Variants in MKI67 observed in about 807,000 individuals in gnomAD.
MKI67 encodes the protein proliferation marker protein Ki-67.
Under a neutral mutation model 233.5 loss-of-function variants are expected in MKI67, and 152 were observed. The observed-to-expected ratio is 0.65, with a 90% confidence interval of 0.57 to 0.74. MKI67 has a LOEUF of 0.74. Among genes scored for constraint, MKI67 ranks in the 30% least tolerant of loss-of-function variants. The pLI is 0.00. For synonymous variants in MKI67, 1,465 were observed against 1,418.5 expected, an observed-to-expected ratio of 1.03 and a Z score of -0.74; for missense variants, 3,940 against 3,885.2, an observed-to-expected ratio of 1.01 and a Z score of -0.37.
chr10:128,124,081 A>G (rs1853007739), intron 2 of MKI67, among the ~76,000 whole-genome samples: 1 of 152,250 alleles, frequency 6.6e-6, no homozygotes, highest in African/African-American at 2.4e-5. Flanking sequence ...ATTATTTCTA[A>G]ATTATAAAAT....
At position 128,115,704 on chromosome 10, in the gene MKI67, G is replaced by A; in HGVS notation, c.704C>T (p.Ser235Phe). The change falls in exon 7 of 15, where the codon TCT becomes TTT. Residue 235 changes from serine to phenylalanine, a missense_variant. Coordinates refer to ENST00000368654, the MANE Select transcript of MKI67 (RefSeq NM_002417.5). ...TGACTCATAAAGCTTCCAAAAGGGA[G>A]ATTCATTTTTTTTGCTATTGTCAAG... ...QCLDNSKKNE[S>F]PFWKLYESVK... The A allele has an allele frequency of 1.2e-6, 2 of 1,613,772 alleles. No homozygotes were observed. Among genetic ancestry groups the A allele is most frequent in the Non-Finnish European group, 1.7e-6 (2 of 1,179,984 alleles).
intron 12 of MKI67, among the ~76,000 whole-genome samples, 176 bp downstream of exon 12, chr10:128,110,202 A>G (rs1288398822): frequency 1.3e-5 from 2 of 152,228 alleles, no homozygotes; most frequent in Non-Finnish European, 1.5e-5. Flanking sequence ...ATGAATGCCA[A>G]TGTTAGTTCA....
chr10:128,111,083 G>A (rs1852664747), intron 11 of MKI67, among the ~76,000 whole-genome samples: 1 of 152,224 alleles, frequency 6.6e-6, no homozygotes, highest in Admixed American at 6.5e-5. Flanking sequence ...CTCCCAAAGT[G>A]TTGGGATTAC....
At chr10:128,114,830 T>G (rs2136144787) in intron 7 of MKI67, 98 bp downstream of exon 7, 2 of 1,236,414 alleles carry the variant, frequency 1.6e-6, no homozygotes, top group East Asian at 4.7e-5. Context: ...TACATTCTCT[T>G]CCACAAAGCT....
rs138126066 is a variant in MKI67, at chr10:128,108,738, C to T, written c.3102G>A (p.Val1034=). ...TGCCGACTGCTAGGAGCTCTTCTTTCACACCTACTTTCCCCAGGGATGCCT... is the reference window on the plus strand; with the variant it reads ...TGCCGACTGCTAGGAGCTCTTCTTTTACACCTACTTTCCCCAGGGATGCCT... ...QLKASLGKVG[V]KEELLAVGKF... The change falls in exon 13 of 15, where the codon GTG becomes GTA. Residue 1034 remains valine (V), a synonymous_variant. Transcript: ENST00000368654. The T allele has an allele frequency of 1.6e-4, 253 of 1,614,088 alleles. No individual in the cohort carries two copies. The highest frequency in any genetic ancestry group is 3.8e-5 in the Non-Finnish European group (45 of 1,180,028).
rs372010354 is a variant in MKI67 at position 128,109,163 on chromosome 10, T to C, written c.2677A>G (p.Ser893Gly). The C allele has an allele frequency of 1.1e-5, 18 of 1,614,118 alleles. No homozygotes were observed. In the African/African-American group the frequency reaches 1.9e-4, roughly 17 times the overall value. ...NIQKLPVESK[S>G]EETNTEIVEC... ...ACAATTTCTGTATTTGTTTCTTCAC[T>C]CTTACTTTCCACAGGTAGCTTCTGT... The change falls in exon 13 of 15, where the codon AGT becomes GGT. Residue 893 changes from serine to glycine, a missense_variant. Coordinates refer to ENST00000368654, the MANE Select transcript of MKI67 (RefSeq NM_002417.5).
Position 128,111,404 on chromosome 10 carries a change from G to A in MKI67, c.2260+241C>T, listed in dbSNP as rs968940592. On this transcript the variant is annotated intron_variant, in intron 11 of 14. Coordinates refer to ENST00000368654, the MANE Select transcript of MKI67 (RefSeq NM_002417.5). ...ACGCTGCTCTCCAGGGTAAAGACAT[G>A]CATTTGACATTTCCACACCTATTTC... The A allele has an allele frequency of 1.8e-5, 8 of 440,144 alleles. No homozygotes were observed. The South Asian group carries it at 3.0e-4, about 17-fold the overall frequency. 27.3% of individuals were successfully genotyped at this position (440,144 alleles called of 1,614,324 possible). A position where few individuals can be genotyped will look rare whatever the true frequency, so the allele number is the denominator to read the frequency against.
In MKI67 at chr10:128,102,586, T is replaced by G. The variant is rs745377602; in HGVS notation, c.9254A>C (p.Glu3085Ala). 2.0e-5 allele frequency: 32 copies of G among 1,612,912 alleles called. No homozygotes were observed. Among genetic ancestry groups the G allele is most frequent in the Non-Finnish European group, 2.7e-5 (32 of 1,179,152 alleles). ...TGTAATACTTCCTCTCACCTTATTT[T>G]CAGGGACCGAGTCTTGTAATTTGTG... Reference protein sequence around the residue: ...EEHKLQDSVPENKGISLRSRR... With the variant: ...EEHKLQDSVPANKGISLRSRR... Residue 3085 changes from glutamate to alanine, a missense_variant, in exon 13 of 15, where the codon GAA becomes GCA. Physicochemically the swap from Glu to Ala is moderately radical, Grantham distance 107. Transcript: ENST00000368654.
In MKI67 at chr10:128,106,209, G is replaced by A; in HGVS notation, c.5631C>T (p.Pro1877=). The change falls in exon 13 of 15, where the codon CCC becomes CCT. Residue 1877 remains proline, a synonymous_variant. Transcript: ENST00000368654. ...ADTPTNTKQR[P]KRSLKKADVE... ...CGTCTGCTTTCTTGAGGCTTCTCTTGGGCCGTTGCTTTGTGTTTGTTGGGG... is the reference window on the plus strand; with the variant it reads ...CGTCTGCTTTCTTGAGGCTTCTCTTAGGCCGTTGCTTTGTGTTTGTTGGGG... 6.2e-7 allele frequency: 1 copy of A among 1,613,604 alleles called. No homozygotes were observed. The highest frequency in any genetic ancestry group is 1.3e-5 in the African/African-American group (1 of 74,830).
rs1220298940 is a variant in MKI67, at chr10:128,115,565, C to G, written c.843G>C (p.Gln281His). Residue 281 changes from glutamine (Q) to histidine (H), a missense_variant, in exon 7 of 15, where the codon CAG becomes CAC. Gln to His is a conservative substitution (Grantham distance 24, BLOSUM62 0). Coordinates refer to ENST00000368654, the MANE Select transcript of MKI67 (RefSeq NM_002417.5). ...ATEKESADGL[Q>H]GETQLLVSRK... ...GCGAGACCAACAGTTGGGTCTCCCC[C>G]TGTAAACCATCAGCACTTTCTTTCT... 1.9e-6 allele frequency: 3 copies of G among 1,614,220 alleles called. No individual in the cohort carries two copies. Among genetic ancestry groups the G allele is most frequent in the Admixed American group, 3.3e-5 (2 of 60,030 alleles).
rs542350245 is a variant in MKI67, at chr10:128,108,640, G to A, written c.3200C>T (p.Thr1067Met). Residue 1067 changes from threonine (T) to methionine (M), a missense_variant, in exon 13 of 15, where the codon ACG (threonine) becomes ATG (methionine). Coordinates refer to ENST00000368654, the MANE Select transcript of MKI67 (RefSeq NM_002417.5). ...GATCTGCTTTGGAGACTCCTTAAAC[G>A]TTCTGATGCTCTTGCCATCTCCTGC... ...EPAGDGKSIRTFKESPKQILD... is the reference protein window; with the variant it reads ...EPAGDGKSIRMFKESPKQILD... 3.5e-5 allele frequency: 57 copies of A among 1,614,122 alleles called. 1 individual carries two copies. Among genetic ancestry groups the A allele is most frequent in the South Asian group, 2.5e-4 (23 of 91,074 alleles).
Position 128,114,951 on chromosome 10 carries a change from A to G in MKI67, c.1457T>C (p.Ile486Thr), listed in dbSNP as rs772771067. 1.9e-5 allele frequency: 29 copies of G among 1,558,342 alleles called. No homozygotes were observed. Among genetic ancestry groups the G allele is most frequent in the Non-Finnish European group, 2.4e-5 (28 of 1,152,054 alleles). Residue 486 changes from isoleucine (I) to threonine (T), a missense_variant, in exon 7 of 15, where the codon ATC becomes ACC. By Grantham distance (89) the Ile-to-Thr change is moderately conservative. Transcript: ENST00000368654. Reference protein sequence around the residue: ...SGLPGLSSVDINNFGDSINES... With the variant: ...SGLPGLSSVDTNNFGDSINES... ...ACTAATGGAATCACCAAAGTTGTTG[A>G]TATCAACTGAACTAAGACCAGGTAA...
Position 128,115,304 on chromosome 10 carries a change from A to G in MKI67, c.1104T>C (p.Thr368=). The G allele has an allele frequency of 6.2e-7, 1 of 1,614,024 alleles. No homozygotes were observed. The highest frequency in any genetic ancestry group is 1.7e-4 in the Middle Eastern group (1 of 6,060). ...GATTCACAGATTCTCTTCTACCAGT[A>G]GTATACAGGTCTTTGTTCTTATGTT... is the stretch of plus-strand genomic sequence containing the variant. ...PQKHKNKDLY[T]TGRRESVNLG... The change falls in exon 7 of 15, where the codon ACT becomes ACC. Residue 368 remains threonine (T), a synonymous_variant. Coordinates refer to ENST00000368654, the MANE Select transcript of MKI67 (RefSeq NM_002417.5).
chr10:128,123,265 G>T, intron 2 of MKI67, 96 bp from the exon 3 acceptor site: 1 of 857,134 alleles, frequency 1.2e-6, no homozygotes, highest in Non-Finnish European at 2.0e-6. Flanking sequence ...TAGAATGTTT[G>T]ATCTGTAAAT....
chr10:128,098,987 T>C lies in MKI67; in HGVS notation c.*203A>G, dbSNP rs1370397413. 4.3e-5 allele frequency: 19 copies of C among 437,456 alleles called. No homozygotes were observed. Among genetic ancestry groups the C allele is most frequent in the Non-Finnish European group, 5.7e-5 (14 of 246,658 alleles). 27.1% of individuals were successfully genotyped at this position (437,456 alleles called of 1,614,324 possible). A position where few individuals can be genotyped will look rare whatever the true frequency, so the allele number is the denominator to read the frequency against. ...GACTCCTTCACAAAGCCCCCGGTGT[T>C]CAACTATTCTCAGTCCAGGAGCCCA... On this transcript the variant is annotated 3_prime_UTR_variant, in exon 15 of 15. Transcript: ENST00000368654.
chr10:128,118,309 T>G (rs181872667), intron 5 of MKI67, among the ~76,000 whole-genome samples: 1 of 151,186 alleles, frequency 6.6e-6, no homozygotes, highest in Admixed American at 6.6e-5. Flanking sequence ...GGCAGGAGAA[T>G]TGCTTGAACC....
chr10:128,106,085 T>G lies in MKI67; in HGVS notation c.5755A>C (p.Thr1919Pro). 6.2e-7 allele frequency: 1 copy of G among 1,613,796 alleles called. No homozygotes were observed. ...AAVGEEKDIN[T>P]FVGTPVEKLD... ...TTCTCCACTGGAGTCCCCACAAATG[T>G]GTTGATGTCTTTCTCTTCACCTACT... Residue 1919 changes from threonine to proline, a missense_variant, in exon 13 of 15, where the codon ACA becomes CCA. Physicochemically the swap from Thr to Pro is conservative, Grantham distance 38 (BLOSUM62 -1). Coordinates refer to ENST00000368654, the MANE Select transcript of MKI67 (RefSeq NM_002417.5).
chr10:128,125,670 T>C lies in MKI67; in HGVS notation c.-3A>G. 1 of 1,613,412 alleles carries C rather than the reference T, an allele frequency of 6.2e-7. No individual in the cohort carries two copies. Among genetic ancestry groups the C allele is most frequent in the Non-Finnish European group, 8.5e-7 (1 of 1,179,372 alleles). On this transcript the variant is annotated 5_prime_UTR_variant, in exon 2 of 15. Coordinates refer to ENST00000368654, the MANE Select transcript of MKI67 (RefSeq NM_002417.5). The surrounding 1 kb of genome is among the most constrained non-coding windows in gnomAD (Gnocchi z 5.3). The stretch of plus-strand genomic sequence containing the variant: ...ACCAGGCGTCTCGTGGGCCACATTT[T>C]CTAAACAGTAAGTTGAGTATAATCC...
intron 1 of MKI67, 83 bp downstream of exon 1, chr10:128,126,016 G>A: frequency 3.1e-6 from 1 of 320,760 alleles, no homozygotes; most frequent in Non-Finnish European, 5.9e-6. Context: ...TCTGTCCCCT[G>A]CCCGTCCCCG....
Sources: gnomAD v4.1 joint callset for allele counts (sites outside exome capture counted in the v4.1 genomes callset) on GRCh38, gnomAD v4.1.1 for gene constraint, Gnocchi (gnomAD v3.1) non-coding constraint, MANE v1.5 for transcripts, NCBI Gene and HGNC (gene_info 2026-07-23, HGNC 2026-07-21) for gene names.